The following NLRX1 variants were observed in gnomAD, a reference collection of about 807,000 sequenced individuals.
NLRX1 encodes NLR family member X1.
A neutral mutation model predicts 74.2 loss-of-function variants in NLRX1; 67 were observed. The observed-to-expected ratio is 0.90, with a 90% CI of 0.74 to 1.11. The LOEUF (loss-of-function observed/expected upper bound fraction) is 1.11. NLRX1 is among the 50% of genes least tolerant of loss of function. NLRX1 has a pLI of 0.00. For missense variants in NLRX1, 1,191 were observed against 1,305.4 expected (o/e 0.91, Z 1.35); for synonymous variants, 506 against 559.1 (o/e 0.91, Z 1.34).
chr11:119,183,161 C>A lies in NLRX1; in HGVS notation c.2650C>A (p.Arg884=). The change falls in exon 10 of 10, where the codon CGA becomes AGA. Residue 884 remains arginine, a synonymous_variant. Coordinates refer to ENST00000409109, the MANE Select transcript of NLRX1 (RefSeq NM_001282144.2). This position sits in a 1 kb window ranked among gnomAD's most constrained non-coding sequence, Gnocchi z 5.7. Reference sequence around the variant, plus strand: ...GAGCTCAGAGGGCCGCCAGGTCTTGCGAGACTTGGGGGGTGCTGCTGAAGG... The same window carrying A: ...GAGCTCAGAGGGCCGCCAGGTCTTGAGAGACTTGGGGGGTGCTGCTGAAGG... ...ELSSEGRQVL[R]DLGGAAEGGA... The A allele has an allele frequency of 6.2e-7, 1 of 1,614,116 alleles. No individual in the cohort carries two copies. The highest frequency in any genetic ancestry group is 8.5e-7 in the Non-Finnish European group (1 of 1,180,030).
At chr11:119,175,351 G>A in intron 6 of NLRX1, 77 bp downstream of exon 6, 1 of 1,287,674 alleles carries the variant, frequency 7.8e-7, no homozygotes, top group Non-Finnish European at 1.1e-6. Flanking sequence ...GCCCCCACAT[G>A]GTTCCCTGTT....
intron 1 of NLRX1, among the ~76,000 whole-genome samples, chr11:119,170,286 G>A (rs2135150249): frequency 6.6e-6 from 1 of 152,244 alleles, no homozygotes; most frequent in Admixed American, 6.5e-5. Context: ...GGCTGGTGAG[G>A]AGATCGGGTC....
In NLRX1 at chr11:119,180,237, C is replaced by A. The variant is rs772675839; in HGVS notation, c.2216C>A (p.Pro739His). The A allele has an allele frequency of 1.3e-4, 205 of 1,608,388 alleles. No individual in the cohort carries two copies. The highest frequency in any genetic ancestry group is 1.6e-4 in the Non-Finnish European group (194 of 1,176,316). The change falls in exon 7 of 10, where the codon CCT becomes CAT. Residue 739 changes from proline to histidine, a missense_variant. Physicochemically the swap from Pro to His is moderately conservative, Grantham distance 77 (BLOSUM62 -2). Coordinates refer to ENST00000409109, the MANE Select transcript of NLRX1 (RefSeq NM_001282144.2). Reference sequence around the variant, plus strand: ...AACTTGGCCTCCTGCCAGCTAGATCCTGCTGGGCTGCGCACACTCCTGCCT... The same window carrying A: ...AACTTGGCCTCCTGCCAGCTAGATCATGCTGGGCTGCGCACACTCCTGCCT... ...EVNLASCQLD[P>H]AGLRTLLPVF...
In NLRX1 at chr11:119,174,029, T is replaced by A. The variant is rs748179436; in HGVS notation, c.780T>A (p.Ser260Arg). ...GGCTGGCAGGCACGGGACTTTGTAG[T>A]GACCCGGAGGAACCGCAGGAACCAG... is the stretch of plus-strand genomic sequence containing the variant. ...DFRLAGTGLC[S>R]DPEEPQEPAA... Residue 260 changes from serine to arginine, a missense_variant, in exon 5 of 10, where the codon AGT (serine) becomes AGA (arginine). Physicochemically the swap from Ser to Arg is moderately radical, Grantham distance 110 (BLOSUM62 -1). Transcript: ENST00000409109. 6.2e-7 allele frequency: 1 copy of A among 1,614,198 alleles called. No homozygotes were observed. The highest frequency in any genetic ancestry group is 8.5e-7 in the Non-Finnish European group (1 of 1,180,028).
Position 119,172,943 on chromosome 11 carries a change from C to T in NLRX1, c.183C>T (p.Pro61=), listed in dbSNP as rs778206527. The change falls in exon 4 of 10, where the codon CCC becomes CCT. Residue 61 remains proline, a synonymous_variant. Transcript: ENST00000409109. ...RHHGSSVDSA[P]PPGRHGRLFP... The stretch of plus-strand genomic sequence containing the variant: ...ACGGAAGCTCGGTAGATAGCGCTCC[C>T]CCACCCGGGAGGCATGGACGGCTGT... 5.0e-6 allele frequency: 8 copies of T among 1,613,902 alleles called. No homozygotes were observed. In the South Asian group the frequency reaches 6.6e-5, roughly 13 times the overall value.
At chr11:119,170,153 C>A (rs1948506974) in intron 1 of NLRX1, among the ~76,000 whole-genome samples, 5 of 151,754 alleles carry the variant, frequency 3.3e-5, no homozygotes, top group Middle Eastern at 3.4e-3. Context: ...CAGGCTGGGA[C>A]AAACTCAGAA....
rs1344076546 is a variant in NLRX1, at chr11:119,181,192, C to T, written c.2289C>T (p.Gly763=). 1.2e-6 allele frequency: 2 copies of T among 1,613,646 alleles called. No individual in the cohort carries two copies. Reference sequence around the variant, plus strand: ...CCAGCTTGCAACTCAACAGCCTGGGCCCTGAGGCCTGCAAGGACCTCCGAG... The same window carrying T: ...CCAGCTTGCAACTCAACAGCCTGGGTCCTGAGGCCTGCAAGGACCTCCGAG... The part of the protein sequence containing the change: ...RKLGLQLNSL[G]PEACKDLRDL... The change falls in exon 8 of 10, where the codon GGC becomes GGT. Residue 763 remains glycine (G), a synonymous_variant. Coordinates refer to ENST00000409109, the MANE Select transcript of NLRX1 (RefSeq NM_001282144.2).
In NLRX1 at chr11:119,171,369, C is replaced by T. The variant is rs750345289; in HGVS notation, c.-35C>T. On this transcript the variant is annotated 5_prime_UTR_variant, in exon 2 of 10. Transcript: ENST00000409109. ...TTCTTCTTGCAGGACAGAAGTCGGT[C>T]CTAGGCCCCCCAGGCTCTGACCTTC... The T allele has an allele frequency of 6.2e-7, 1 of 1,612,262 alleles. No individual in the cohort carries two copies. Among genetic ancestry groups the T allele is most frequent in the South Asian group, 1.1e-5 (1 of 90,954 alleles).
In NLRX1 at chr11:119,171,456, G is replaced by A; in HGVS notation, c.53G>A (p.Arg18Lys). The A allele has an allele frequency of 6.2e-7, 1 of 1,613,666 alleles. No individual in the cohort carries two copies. The highest frequency in any genetic ancestry group is 8.5e-7 in the Non-Finnish European group (1 of 1,179,654). ...PRASWGSGFR[R>K]ALQRPDDRIP... Reference sequence around the variant, plus strand: ...GCCTCTTGGGGCTCTGGTTTTAGAAGAGCACTCCAGCGACCAGGTGAGCAG... The same window carrying A: ...GCCTCTTGGGGCTCTGGTTTTAGAAAAGCACTCCAGCGACCAGGTGAGCAG... Residue 18 changes from arginine to lysine, a missense_variant, in exon 2 of 10, where the codon AGA (arginine) becomes AAA (lysine). By Grantham distance (26) the Arg-to-Lys change is conservative (BLOSUM62 2). Transcript: ENST00000409109.
intron 7 of NLRX1, among the ~76,000 whole-genome samples, chr11:119,180,828 C>G (rs1948819723): frequency 6.6e-6 from 1 of 151,942 alleles, no homozygotes; most frequent in African/African-American, 2.4e-5. Flanking sequence ...ATCACTTGAG[C>G]CTAATAGTCT....
intron 5 of NLRX1, 121 bp downstream of exon 5, chr11:119,174,219 C>A: frequency 7.9e-7 from 1 of 1,267,780 alleles, no homozygotes; most frequent in Non-Finnish European, 1.1e-6. Flanking sequence ...AAGTCAGTAA[C>A]TTCCCCAGCC....
rs771732448 is a variant in NLRX1 at position 119,174,612 on chromosome 11, G to A, written c.1009G>A (p.Gly337Ser). 17 of 1,613,996 alleles carry A rather than the reference G, an allele frequency of 1.1e-5. No individual in the cohort carries two copies. The highest frequency in any genetic ancestry group is 8.9e-5 in the East Asian group (4 of 44,898). ...GCCGTACTGCGGGTATGCCGTTGGC[G>A]GTTCAGGTGTCTCTGCCACACCAGC... is the stretch of plus-strand genomic sequence containing the variant. Reference protein sequence around the residue: ...NQPYCGYAVGGSGVSATPAQR... With the variant: ...NQPYCGYAVGSSGVSATPAQR... The change falls in exon 6 of 10, where the codon GGT becomes AGT. Residue 337 changes from glycine (G) to serine (S), a missense_variant. Transcript: ENST00000409109.
In NLRX1 at chr11:119,179,954, C is replaced by G. The variant is rs1487035748; in HGVS notation, c.1933C>G (p.Pro645Ala). ...NRAVLAQLGC[P>A]IKNLDALENA... ...AGCTGTGCTAGCTCAGCTTGGCTGC[C>G]CCATCAAGAACCTGGATGCCCTGGA... The change falls in exon 7 of 10, where the codon CCC becomes GCC. Residue 645 changes from proline (P) to alanine (A), a missense_variant. Coordinates refer to ENST00000409109, the MANE Select transcript of NLRX1 (RefSeq NM_001282144.2). 6.2e-7 allele frequency: 1 copy of G among 1,613,248 alleles called. No individual in the cohort carries two copies. Among genetic ancestry groups the G allele is most frequent in the East Asian group, 2.2e-5 (1 of 44,872 alleles).
chr11:119,182,922 A>C lies in NLRX1; in HGVS notation c.2607-196A>C, dbSNP rs376657927. Among the ~76,000 whole-genome samples the C allele has an allele frequency of 1.2e-3, 187 of 151,274 alleles. 2 individuals carry two copies. In the South Asian group the frequency reaches 0.015, roughly 12 times the overall value. On this transcript the variant is annotated intron_variant, in intron 9 of 9. Transcript: ENST00000409109. ...AAAACAAAAACAAAAACAAAAACAA[A>C]AAAAAAAAAGAATTTTAGTATTAGT...
rs776228979 is a variant in NLRX1, at chr11:119,174,140, A to C, written c.849+42A>C. On this transcript the variant is annotated intron_variant, in intron 5 of 9. Transcript: ENST00000409109. ...CCCAGGTTATCACTGCTGCCCGTTG[A>C]CTCGCCCCCTAGGTCCTGGGTTACT... 2.5e-6 allele frequency: 4 copies of C among 1,595,514 alleles called. No homozygotes were observed. The South Asian group carries it at 4.5e-5, about 18-fold the overall frequency.
At position 119,171,419 on chromosome 11, in the gene NLRX1, C is replaced by A; in HGVS notation, c.16C>A (p.His6Asn). The A allele has an allele frequency of 1.9e-6, 3 of 1,613,960 alleles. No homozygotes were observed. The highest frequency in any genetic ancestry group is 2.5e-6 in the Non-Finnish European group (3 of 1,179,942). Residue 6 changes from histidine to asparagine, a missense_variant, in exon 2 of 10, where the codon CAT becomes AAT. Transcript: ENST00000409109. ...CTTTCCCAGGATGAGGTGGGGCCAC[C>A]ATTTGCCCAGGGCCTCTTGGGGCTC... MRWGH[H>N]LPRASWGSGF...
At chr11:119,177,113 G>A (rs1180355452) in intron 6 of NLRX1, among the ~76,000 whole-genome samples, 4 of 151,824 alleles carry the variant, frequency 2.6e-5, no homozygotes, top group South Asian at 4.2e-4. Flanking sequence ...ATGGAGTCTC[G>A]CTCTGTCGCC....
In NLRX1 at chr11:119,179,986, C is replaced by T; in HGVS notation, c.1965C>T (p.Ala655=). 3 of 1,613,774 alleles carry T rather than the reference C, an allele frequency of 1.9e-6. No individual in the cohort carries two copies. The highest frequency in any genetic ancestry group is 2.5e-6 in the Non-Finnish European group (3 of 1,179,970). ...AGAACCTGGATGCCCTGGAGAATGC[C>T]CAGGCCATCAAGAAGAAGCTGGGCA... The part of the protein sequence containing the change: ...PIKNLDALEN[A]QAIKKKLGKL... Residue 655 remains alanine (A), a synonymous_variant, in exon 7 of 10, where the codon GCC becomes GCT. Coordinates refer to ENST00000409109, the MANE Select transcript of NLRX1 (RefSeq NM_001282144.2).
In NLRX1 at chr11:119,174,070, A is replaced by G. The variant is rs1948629686; in HGVS notation, c.821A>G (p.Asn274Ser). ...EPQEPAAIIV[N>S]LLRKYMLPQA... ...CAGGAACCAGCTGCTATCATCGTCA[A>G]CCTGCTGCGCAAATACATGCTGCCT... Residue 274 changes from asparagine (N) to serine (S), a missense_variant, in exon 5 of 10, where the codon AAC (asparagine) becomes AGC (serine). Transcript: ENST00000409109. 4 of 1,613,932 alleles carry G rather than the reference A, an allele frequency of 2.5e-6. No individual in the cohort carries two copies. In the South Asian group the frequency reaches 3.3e-5, roughly 13 times the overall value.
Sources: allele counts gnomAD v4.1 joint callset (sites outside exome capture counted in the v4.1 genomes callset), GRCh38; gene constraint gnomAD v4.1.1; non-coding constraint Gnocchi (gnomAD v3.1); transcripts MANE v1.5; gene names NCBI Gene and HGNC (gene_info 2026-07-23, HGNC 2026-07-21).